The following ADH6 variants were observed in gnomAD, a reference collection of about 807,000 sequenced individuals.
ADH6 encodes the protein alcohol dehydrogenase 6 (class V).
Under a neutral mutation model 36.5 loss-of-function variants are expected in ADH6, and 34 were observed. That is an observed-to-expected ratio of 0.93 (90% CI 0.71 to 1.24). ADH6 has a LOEUF of 1.24. Ranked by LOEUF, ADH6 falls within the 50% of genes most tolerant of loss-of-function variation. ADH6 has a pLI of 0.00. For missense variants in ADH6, 440 were observed against 447.0 expected, an observed-to-expected ratio of 0.98 and a Z score of 0.14; for synonymous variants, 161 against 155.5, an observed-to-expected ratio of 1.04 and a Z score of -0.26.
At chr4:99,209,057 C>T (rs1731135704) in intron 5 of ADH6, 129 bp from the exon 6 acceptor site, 2 of 967,926 alleles carry the variant, frequency 2.1e-6, no homozygotes, top group Non-Finnish European at 3.0e-6. Flanking sequence ...TGTTTACATA[C>T]ATAACATATT....
chr4:99,204,870 C>T (rs1327350601), intron 8 of ADH6, 55 bp downstream of exon 8: 1 of 1,547,830 alleles, frequency 6.5e-7, no homozygotes, highest in South Asian at 1.3e-5. Flanking sequence ...CAAGCCAATA[C>T]ACCCTTTCTC....
rs749725068 is a variant in ADH6, at chr4:99,213,667, C to T, written c.201G>A (p.Leu67=). The change falls in exon 3 of 9, where the codon TTG becomes TTA. Residue 67 remains leucine, a synonymous_variant. Transcript: ENST00000394899. The stretch of plus-strand genomic sequence containing the variant: ...CAACGATTCCAGCCCCTTCATGGCC[C>T]AAGATGGTGGGATACAAGAGGTCCA... ...KHLDLLYPTI[L]GHEGAGIVES... The T allele has an allele frequency of 1.2e-6, 2 of 1,613,846 alleles. No homozygotes were observed. The highest frequency in any genetic ancestry group is 1.7e-5 in the Admixed American group (1 of 59,960).
chr4:99,216,238 G>A lies in ADH6; in HGVS notation c.43C>T (p.Leu15Phe). 6.3e-7 allele frequency: 1 copy of A among 1,577,626 alleles called. No individual in the cohort carries two copies. The highest frequency in any genetic ancestry group is 8.6e-7 in the Non-Finnish European group (1 of 1,162,638). ...GQVIRCKAAI[L>F]WKPGAPFSIE... ...GAAAATGGTGCACCAGGCTTCCAGA[G>A]TATGGCTGCTTTGCATCTGATGACC... Residue 15 changes from leucine (L) to phenylalanine (F), a missense_variant, in exon 2 of 9, where the codon CTC (leucine) becomes TTC (phenylalanine). By Grantham distance (22) the Leu-to-Phe change is conservative (BLOSUM62 0). Coordinates refer to ENST00000394899, the MANE Select transcript of ADH6 (RefSeq NM_001102470.2).
chr4:99,213,546 C>G, intron 3 of ADH6, 60 bp downstream of exon 3: 1 of 1,406,196 alleles, frequency 7.1e-7, no homozygotes, highest in Non-Finnish European at 9.2e-7. Context: ...GGGTGCTTAT[C>G]ATTTTCTCGA....
intron 8 of ADH6, chr4:99,204,684 A>G: frequency 8.1e-7 from 1 of 1,235,322 alleles, no homozygotes; most frequent in Non-Finnish European, 1.0e-6. Flanking sequence ...TGGAAATACA[A>G]TGCTAATGGC....
intron 1 of ADH6, among the ~76,000 whole-genome samples, chr4:99,217,197 G>A (rs562877281): frequency 2.0e-5 from 3 of 152,080 alleles, no homozygotes; most frequent in Non-Finnish European, 4.4e-5. Flanking sequence ...CACCACGCCT[G>A]GCTAATTTTT....
chr4:99,204,026 C>T lies in ADH6; in HGVS notation c.*193G>A. 1.7e-6 allele frequency: 1 copy of T among 580,720 alleles called. No individual in the cohort carries two copies. Among genetic ancestry groups the T allele is most frequent in the Non-Finnish European group, 2.8e-6 (1 of 357,446 alleles). The allele number at this position is 580,720 out of a possible 1,614,324, so 36.0% of individuals were successfully genotyped here. The stretch of plus-strand genomic sequence containing the variant: ...TGAAAAGGAGGCTGATCCTTGGTGA[C>T]ACTGGGTTACGTAAGAACAATTTTG... On this transcript the variant is annotated 3_prime_UTR_variant, in exon 9 of 9. Transcript: ENST00000394899.
At chr4:99,216,344 T>G in intron 1 of ADH6, 82 bp from the exon 2 acceptor site, 1 of 779,496 alleles carries the variant, frequency 1.3e-6, no homozygotes, top group South Asian at 3.0e-5. Flanking sequence ...GATTATAGAA[T>G]CATTAAATTG....
At chr4:99,208,128 C>T (rs1731102217) in intron 6 of ADH6, among the ~76,000 whole-genome samples, 1 of 152,154 alleles carries the variant, frequency 6.6e-6, no homozygotes, top group East Asian at 1.9e-4. Context: ...TTGGAAGAGG[C>T]AGTTGTTGAG....
Position 99,204,174 on chromosome 4 carries a change from G to T in ADH6, c.*45C>A. ...CATGAAAATTACATCAAATGCCATT[G>T]AGTTGGTGAAATATCCTTTGGGTCT... On this transcript the variant is annotated 3_prime_UTR_variant, in exon 9 of 9. Coordinates refer to ENST00000394899, the MANE Select transcript of ADH6 (RefSeq NM_001102470.2). 1 of 1,569,342 alleles carries T rather than the reference G, an allele frequency of 6.4e-7. No individual in the cohort carries two copies. The highest frequency in any genetic ancestry group is 1.2e-5 in the South Asian group (1 of 86,290).
chr4:99,218,941 G>A (rs1731543391), intron 1 of ADH6, among the ~76,000 whole-genome samples, 194 bp downstream of exon 1: 1 of 152,102 alleles, frequency 6.6e-6, no homozygotes. Flanking sequence ...ATTACTTATT[G>A]AAGAGATGAA....
intron 3 of ADH6, among the ~76,000 whole-genome samples, chr4:99,213,362 T>C (rs1391798641): frequency 6.6e-6 from 1 of 152,186 alleles, no homozygotes; most frequent in Non-Finnish European, 1.5e-5. Flanking sequence ...CATTTGTACT[T>C]TCAAGTCCAG....
chr4:99,209,995 G>C, intron 5 of ADH6, 87 bp downstream of exon 5: 1 of 1,372,514 alleles, frequency 7.3e-7, no homozygotes, highest in Non-Finnish European at 1.0e-6. Context: ...TTTTCCTTTG[G>C]TATGATAAGA....
At chr4:99,214,448 C>G (rs1000690673) in intron 2 of ADH6, among the ~76,000 whole-genome samples, 6 of 152,026 alleles carry the variant, frequency 3.9e-5, no homozygotes, top group Admixed American at 1.3e-4. Flanking sequence ...AATAATGTTT[C>G]CTATTATAAT....
intron 1 of ADH6, among the ~76,000 whole-genome samples, chr4:99,217,331 C>T (rs113104959): frequency 0.018 from 2,768 of 152,180 alleles, 83 homozygotes; most frequent in African/African-American, 0.063. Flanking sequence ...CCACCACGCC[C>T]GGCCATGTTT....
intron 5 of ADH6, 39 bp from the exon 6 acceptor site, chr4:99,208,967 CAA>C (rs1731133023): frequency 6.3e-7 from 1 of 1,584,566 alleles, no homozygotes; most frequent in Non-Finnish European, 8.6e-7. Flanking sequence ...AAACAAAAAG[CAA>C]AGAGAACATA....
chr4:99,206,147 C>T (rs1196515503), intron 7 of ADH6, among the ~76,000 whole-genome samples: 1 of 152,084 alleles, frequency 6.6e-6, no homozygotes, highest in Non-Finnish European at 1.5e-5. Flanking sequence ...TCTAGGACCA[C>T]AGACGGGACT....
chr4:99,205,439 T>G (rs547308769), intron 7 of ADH6, among the ~76,000 whole-genome samples: 271 of 152,216 alleles, frequency 1.8e-3, no homozygotes, highest in African/African-American at 5.6e-3. Context: ...GCACATTTTT[T>G]TGTGTGTGCA....
At chr4:99,209,608 ACTTCATCACTTGGTTC>A (rs1731154872) in intron 5 of ADH6, among the ~76,000 whole-genome samples, 1 of 152,106 alleles carries the variant, frequency 6.6e-6, no homozygotes, top group Non-Finnish European at 1.5e-5. Flanking sequence ...AGTAACACCT[ACTTCATCACTTGGTTC>A]CTTTACTCTC....
Sources: gnomAD v4.1 joint callset for allele counts (sites outside exome capture counted in the v4.1 genomes callset) on GRCh38, gnomAD v4.1.1 for gene constraint, MANE v1.5 for transcripts, NCBI Gene and HGNC (gene_info 2026-07-23, HGNC 2026-07-21) for gene names.